Variants in ATP6V0A1 observed in about 807,000 individuals in gnomAD.
ATP6V0A1 encodes the protein V-type proton ATPase 116 kDa subunit a 1.
ATP6V0A1 carries 43 observed loss-of-function variants against 105.4 expected under a neutral mutation model. The ratio of observed to expected loss-of-function variants is 0.41; its 90% CI spans 0.32 to 0.53. ATP6V0A1 has a LOEUF of 0.53. ATP6V0A1 is among the 20% of genes least tolerant of loss of function. The pLI is 0.30. For synonymous variants in ATP6V0A1, 362 were observed against 372.8 expected (o/e 0.97, Z 0.33); for missense variants, 676 against 1,051.1 (o/e 0.64, Z 4.93).
At chr17:42,514,221 A>G in intron 20 of ATP6V0A1, 68 bp from the exon 21 acceptor site, 1 of 1,523,706 alleles carries the variant, frequency 6.6e-7, no homozygotes, top group Non-Finnish European at 8.8e-7. Flanking sequence ...GGGATGGCAG[A>G]GCAAAATTCA....
chr17:42,493,466 G>T lies in ATP6V0A1; in HGVS notation c.1175-868G>T, dbSNP rs140432195. On this transcript the variant is annotated intron_variant, in intron 11 of 21. Coordinates refer to ENST00000343619, the MANE Select transcript of ATP6V0A1 (RefSeq NM_001130021.3). ...TCAGAGAACAAACCAATGTTGTCAAGGTTACACCTTCATTTCCACTGTTCT... is the reference window on the plus strand; with the variant it reads ...TCAGAGAACAAACCAATGTTGTCAATGTTACACCTTCATTTCCACTGTTCT... Among the ~76,000 whole-genome samples the T allele has an allele frequency of 3.7e-3, 558 of 152,270 alleles. 6 individuals are homozygous for T. The highest frequency in any genetic ancestry group is 0.013 in the African/African-American group (540 of 41,550).
At chr17:42,477,139 C>T (rs961100870) in intron 5 of ATP6V0A1, among the ~76,000 whole-genome samples, 1 of 152,160 alleles carries the variant, frequency 6.6e-6, no homozygotes, top group Non-Finnish European at 1.5e-5. Flanking sequence ...CTTGCTTCTT[C>T]CTTGGAAAGA....
At chr17:42,517,420 C>T (rs1436197099) in intron 21 of ATP6V0A1, among the ~76,000 whole-genome samples, 1 of 152,200 alleles carries the variant, frequency 6.6e-6, no homozygotes, top group African/African-American at 2.4e-5. Context: ...AGGATACCAT[C>T]AGAATGCCCT....
intron 11 of ATP6V0A1, among the ~76,000 whole-genome samples, chr17:42,493,983 C>G (rs1012292207): frequency 1.3e-5 from 2 of 152,172 alleles, no homozygotes; most frequent in Non-Finnish European, 2.9e-5. Flanking sequence ...GTGGCTCACG[C>G]CTGTAATGCC....
intron 18 of ATP6V0A1, 23 bp from the exon 19 acceptor site, chr17:42,508,549 A>C: frequency 3.7e-6 from 6 of 1,613,874 alleles, no homozygotes; most frequent in Non-Finnish European, 5.1e-6. Flanking sequence ...GCTCCCCACT[A>C]AGTGTAAATT....
At chr17:42,496,794 C>CCA (rs971809775) in intron 14 of ATP6V0A1, among the ~76,000 whole-genome samples, 1 of 151,614 alleles carries the variant, frequency 6.6e-6, no homozygotes, top group African/African-American at 2.4e-5. Context: ...CCAGATCGTG[C>CCA]CACTGCACTC....
chr17:42,495,750 A>G, intron 14 of ATP6V0A1, 34 bp downstream of exon 14: 1 of 1,537,760 alleles, frequency 6.5e-7, no homozygotes, highest in Non-Finnish European at 9.0e-7. Flanking sequence ...GCTAACCTCA[A>G]ATTTTTTAAC....
At chr17:42,474,223 C>T (rs757776958) in intron 5 of ATP6V0A1, among the ~76,000 whole-genome samples, 54 of 151,864 alleles carry the variant, frequency 3.6e-4, no homozygotes, top group Non-Finnish European at 7.4e-4. Flanking sequence ...AGGCTGGTCT[C>T]GAACTCTGAC....
chr17:42,505,727 G>C (rs2091978024), intron 17 of ATP6V0A1, among the ~76,000 whole-genome samples: 1 of 151,776 alleles, frequency 6.6e-6, no homozygotes, highest in Non-Finnish European at 1.5e-5. Context: ...GGATGTGTTG[G>C]TTGTTCCCAA....
At chr17:42,483,234 C>T in intron 9 of ATP6V0A1, 103 bp downstream of exon 9, 1 of 839,466 alleles carries the variant, frequency 1.2e-6, no homozygotes, top group Non-Finnish European at 1.7e-6. Context: ...CTGTAGCAAA[C>T]CAGGATACCA....
intron 2 of ATP6V0A1, among the ~76,000 whole-genome samples, chr17:42,462,998 CTTTTTTTTTT>C (rs35135162): frequency 6.0e-5 from 4 of 66,174 alleles, no homozygotes; most frequent in South Asian, 6.8e-4. Flanking sequence ...GGATATGGAA[CTTTTTTTTTT>C]TTTTTTTTTT....
At chr17:42,464,563 C>A (rs777760080) in intron 2 of ATP6V0A1, among the ~76,000 whole-genome samples, 2 of 151,954 alleles carry the variant, frequency 1.3e-5, no homozygotes, top group Non-Finnish European at 2.9e-5. Flanking sequence ...CTGCCACTCC[C>A]GGCTAATTTT....
At position 42,501,413 on chromosome 17, in the gene ATP6V0A1, C is replaced by A. The variant is rs1321030964; in HGVS notation, c.2004+109C>A. 7 of 845,156 alleles carry A rather than the reference C, an allele frequency of 8.3e-6. No homozygotes were observed. The East Asian group carries it at 1.1e-4, about 13-fold the overall frequency. 52.4% of individuals were successfully genotyped at this position (845,156 alleles called of 1,614,324 possible). ...GTGCACAAATCTATATATTCTTTTT[C>A]TTTTTCTTTTTCTTTTTTTGAGACG... is the stretch of plus-strand genomic sequence containing the variant. On this transcript the variant is annotated intron_variant, in intron 17 of 21. Transcript: ENST00000343619.
chr17:42,467,945 C>T, intron 3 of ATP6V0A1, 65 bp from the exon 4 acceptor site: 3 of 1,097,574 alleles, frequency 2.7e-6, no homozygotes, highest in African/African-American at 1.6e-5. Context: ...TAATTCTTTT[C>T]CTTAAATAAT....
Position 42,490,929 on chromosome 17 carries a change from G to A in ATP6V0A1, c.1174+292G>A, listed in dbSNP as rs188635444. On this transcript the variant is annotated intron_variant, in intron 11 of 21. Coordinates refer to ENST00000343619, the MANE Select transcript of ATP6V0A1 (RefSeq NM_001130021.3). ...GGCTGTAGTGCAATGGTGAAATCAC[G>A]GCTTACAGCAGCCTCAACCTCGTGG... Among the ~76,000 whole-genome samples the A allele has an allele frequency of 2.9e-3, 435 of 152,076 alleles. 3 individuals carry two copies. The highest frequency in any genetic ancestry group is 1.0e-2 in the African/African-American group (414 of 41,470).
intron 17 of ATP6V0A1, among the ~76,000 whole-genome samples, chr17:42,505,474 G>A (rs1309424890): frequency 6.6e-6 from 1 of 151,400 alleles, no homozygotes; most frequent in Non-Finnish European, 1.5e-5. Context: ...AAAGTGCTGG[G>A]ATTACAGGTG....
rs1016889083 is a variant in ATP6V0A1 at position 42,522,065 on chromosome 17, A to C, written c.*945A>C. 2 of 152,680 alleles carry C rather than the reference A, an allele frequency of 1.3e-5. No homozygotes were observed. Among genetic ancestry groups the C allele is most frequent in the Non-Finnish European group, 2.9e-5 (2 of 68,422 alleles). The allele number at this position is 152,680 out of a possible 1,614,324, so 9.5% of individuals were successfully genotyped here. On this transcript the variant is annotated 3_prime_UTR_variant, in exon 22 of 22. Transcript: ENST00000343619. ...GCCCCTAGTGCCCCCTCCTCACCACACTGGCCCCAGGTCTCAGGAGGGGTG... is the reference window on the plus strand; with the variant it reads ...GCCCCTAGTGCCCCCTCCTCACCACCCTGGCCCCAGGTCTCAGGAGGGGTG...
intron 3 of ATP6V0A1, among the ~76,000 whole-genome samples, chr17:42,467,132 G>A (rs2087185143): frequency 7.7e-6 from 1 of 130,640 alleles, no homozygotes; most frequent in Non-Finnish European, 1.6e-5. Flanking sequence ...GGGCGACAGA[G>A]CGAGACTCCG....
At chr17:42,491,839 G>A (rs992735196) in intron 11 of ATP6V0A1, among the ~76,000 whole-genome samples, 3 of 151,792 alleles carry the variant, frequency 2.0e-5, no homozygotes, top group Non-Finnish European at 2.9e-5. Flanking sequence ...GGATGGTCTC[G>A]ATCTCCTGAC....
Sources: allele counts gnomAD v4.1 joint callset (sites outside exome capture counted in the v4.1 genomes callset), GRCh38; gene constraint gnomAD v4.1.1; transcripts MANE v1.5; gene names NCBI Gene and HGNC (gene_info 2026-07-23, HGNC 2026-07-21).